DLG2: variants seen among roughly 807,000 people sequenced by gnomAD.
DLG2 encodes discs large MAGUK scaffold protein 2, also known as disks large homolog 2.
In DLG2, 45 loss-of-function variants were observed where a neutral mutation model predicts 132.5. The observed-to-expected ratio is 0.34, with a 90% CI of 0.27 to 0.44. The LOEUF (loss-of-function observed/expected upper bound fraction) is 0.44, where lower values mean the gene tolerates loss of function less well. Among genes scored for constraint, DLG2 ranks in the 20% least tolerant of loss-of-function variants. DLG2 has a pLI of 1.00. For missense variants in DLG2, 1,045 were observed against 1,196.9 expected (o/e 0.87, Z 1.87); for synonymous variants, 424 against 419.6 (o/e 1.01, Z -0.13).
chr11:84,672,187 C>A (rs989431797), intron 6 of DLG2, among the ~76,000 whole-genome samples: 1 of 152,038 alleles, frequency 6.6e-6, no homozygotes, highest in South Asian at 2.1e-4. Flanking sequence ...TAAGACTAAA[C>A]GGAGGATGCT....
chr11:83,681,519 A>T (rs1394373035), intron 18 of DLG2, among the ~76,000 whole-genome samples: 1 of 152,054 alleles, frequency 6.6e-6, no homozygotes, highest in Non-Finnish European at 1.5e-5. Flanking sequence ...TTCCATAACG[A>T]TCTAGTCTTT....
At chr11:83,795,254 A>C (rs1295556687) in intron 17 of DLG2, among the ~76,000 whole-genome samples, 1 of 151,986 alleles carries the variant, frequency 6.6e-6, no homozygotes, top group Non-Finnish European at 1.5e-5. Flanking sequence ...AAATACAAAA[A>C]AAAATTAGCC....
chr11:83,947,094 C>T (rs1286244758), intron 14 of DLG2, among the ~76,000 whole-genome samples: 4 of 151,668 alleles, frequency 2.6e-5, no homozygotes, highest in East Asian at 2.0e-4. Flanking sequence ...ATAGATGTTG[C>T]TATGCATATA....
chr11:85,135,420 A>C (rs10501588), intron 5 of DLG2, among the ~76,000 whole-genome samples: 2,540 of 152,320 alleles, frequency 0.017, 83 homozygotes, highest in African/African-American at 0.059. Context: ...GCAGAGTAAG[A>C]TGAGTATTTT....
At chr11:85,332,991 T>C (rs1360800999) in intron 3 of DLG2, among the ~76,000 whole-genome samples, 1 of 152,230 alleles carries the variant, frequency 6.6e-6, no homozygotes, top group Non-Finnish European at 1.5e-5. Flanking sequence ...TTGAAAAATG[T>C]CATTGCTAGT....
At chr11:84,236,486 G>A (rs1211213600) in intron 8 of DLG2, among the ~76,000 whole-genome samples, 1 of 152,114 alleles carries the variant, frequency 6.6e-6, no homozygotes, top group Non-Finnish European at 1.5e-5. Context: ...GTATTTTTGG[G>A]GGCCCTTAGG....
At chr11:84,810,648 T>C (rs2076454510) in intron 6 of DLG2, among the ~76,000 whole-genome samples, 1 of 152,118 alleles carries the variant, frequency 6.6e-6, no homozygotes, top group South Asian at 2.1e-4. Context: ...AAAACTTATG[T>C]TCAAATAGTT....
At chr11:84,085,903 C>G (rs900306515) in intron 10 of DLG2, among the ~76,000 whole-genome samples, 1 of 152,162 alleles carries the variant, frequency 6.6e-6, no homozygotes, top group African/African-American at 2.4e-5. Flanking sequence ...TTATAAAACA[C>G]AACCTGAATT....
intron 3 of DLG2, among the ~76,000 whole-genome samples, chr11:85,309,665 A>AGAGACACACAAATTTAGT (rs1250841031): frequency 9.2e-5 from 14 of 152,132 alleles, no homozygotes. Context: ...GCCCATCACT[A>AGAGACACACAAATTTAGT]GAGACACACA....
At chr11:85,399,758 T>A (rs1012216746) in intron 3 of DLG2, among the ~76,000 whole-genome samples, 3 of 152,162 alleles carry the variant, frequency 2.0e-5, no homozygotes, top group Admixed American at 1.3e-4. Flanking sequence ...ATCCCCTCCT[T>A]ACACCTTATA....
At chr11:83,984,188 TAGATGATA>T in intron 11 of DLG2, among the ~76,000 whole-genome samples, 1 of 118,474 alleles carries the variant, frequency 8.4e-6, no homozygotes, top group South Asian at 2.9e-4. Context: ...TGTAGATAGA[TAGATGATA>T]GATAGATAGA....
Position 84,837,362 on chromosome 11 carries a change from A to G in DLG2, c.357+274299T>C, listed in dbSNP as rs550767409. 4.0e-5 allele frequency among the ~76,000 whole-genome samples: 6 copies of G among 151,850 alleles called. No homozygotes were observed. The South Asian group carries it at 1.2e-3, about 31-fold the overall frequency. ...CACCATTGTTTAAATAAGGAAGATC[A>G]CTGAATATCTCAGTTTGAAGACACT... is the stretch of plus-strand genomic sequence containing the variant. On this transcript the variant is annotated intron_variant, in intron 6 of 27. Coordinates refer to ENST00000376104, the MANE Select transcript of DLG2 (RefSeq NM_001142699.3).
chr11:84,688,539 C>T (rs2057636313), intron 6 of DLG2, among the ~76,000 whole-genome samples: 1 of 152,116 alleles, frequency 6.6e-6, no homozygotes, highest in Non-Finnish European at 1.5e-5. Context: ...CTGCTTTAGG[C>T]ATTGGAGATA....
rs569122751 is a variant in DLG2, at chr11:84,528,710, A to C, written c.519+5860T>G. On this transcript the variant is annotated intron_variant, in intron 7 of 27. Transcript: ENST00000376104. ...CCAGACAGATAAAAGAAGGCAAAGA[A>C]GTTGAAAATATGACAGTTCTAATGG... is the stretch of plus-strand genomic sequence containing the variant. 7.9e-5 allele frequency among the ~76,000 whole-genome samples: 12 copies of C among 152,334 alleles called. No individual in the cohort carries two copies. The South Asian group carries it at 2.5e-3, about 32-fold the overall frequency.
intron 6 of DLG2, among the ~76,000 whole-genome samples, chr11:84,810,555 C>T (rs556710937): frequency 3.9e-5 from 6 of 152,262 alleles, no homozygotes; most frequent in African/African-American, 1.2e-4. Context: ...GGTACAACCA[C>T]TCTTGAAAAC....
intron 7 of DLG2, among the ~76,000 whole-genome samples, chr11:84,520,420 G>A (rs2099292972): frequency 6.6e-6 from 1 of 152,034 alleles, no homozygotes; most frequent in African/African-American, 2.4e-5. Context: ...TCTGAAATAT[G>A]GTCCTCAGAT....
intron 14 of DLG2, among the ~76,000 whole-genome samples, chr11:83,935,106 A>G (rs2081171987): frequency 6.6e-6 from 1 of 152,188 alleles, no homozygotes; most frequent in African/African-American, 2.4e-5. Flanking sequence ...GGGGCATCCA[A>G]CCGCATGCCC....
intron 6 of DLG2, among the ~76,000 whole-genome samples, chr11:84,851,913 T>C (rs991006195): frequency 6.6e-5 from 10 of 151,878 alleles, no homozygotes; most frequent in African/African-American, 9.7e-5. Flanking sequence ...TGAAGTAAAA[T>C]TGGGTCACAA....
intron 8 of DLG2, among the ~76,000 whole-genome samples, chr11:84,168,442 G>A (rs927700898): frequency 6.6e-6 from 1 of 152,130 alleles, no homozygotes; most frequent in African/African-American, 2.4e-5. Context: ...CACTACAATT[G>A]GACTTTGGGA....
Sources: gnomAD v4.1 joint callset for allele counts (sites outside exome capture counted in the v4.1 genomes callset) on GRCh38, gnomAD v4.1.1 for gene constraint, MANE v1.5 for transcripts, NCBI Gene and HGNC (gene_info 2026-07-23, HGNC 2026-07-21) for gene names.